Variants in SCAPER observed in about 807,000 individuals in gnomAD.
SCAPER encodes the protein S-phase cyclin A associated protein in the ER, also known as S phase cyclin A-associated protein in the endoplasmic reticulum.
In SCAPER, 98 loss-of-function variants were observed where a neutral mutation model predicts 182.2. That is an observed-to-expected ratio of 0.54 (90% confidence interval 0.46 to 0.64). The LOEUF (loss-of-function observed/expected upper bound fraction) is 0.64, where lower values mean the gene tolerates loss of function less well. Ranked by LOEUF, SCAPER falls within the 30% of genes least tolerant of loss-of-function variation. The pLI, the probability that SCAPER is intolerant of heterozygous loss-of-function variation, is 0.00. For synonymous variants in SCAPER, 605 were observed against 564.6 expected, an observed-to-expected ratio of 1.07 and a Z score of -1.01; for missense variants, 1,432 against 1,690.0, an observed-to-expected ratio of 0.85 and a Z score of 2.68.
At chr15:76,670,446 A>G (rs1014663444) in intron 20 of SCAPER, among the ~76,000 whole-genome samples, 1 of 152,126 alleles carries the variant, frequency 6.6e-6, no homozygotes, top group African/African-American at 2.4e-5. Flanking sequence ...CATGTGGATA[A>G]TTTTTAATTT....
chr15:76,416,598 G>A (rs1425262068), intron 26 of SCAPER, among the ~76,000 whole-genome samples: 1 of 152,108 alleles, frequency 6.6e-6, no homozygotes, highest in East Asian at 1.9e-4. Context: ...ATACTCATGG[G>A]TACTCTTTGT....
intron 22 of SCAPER, among the ~76,000 whole-genome samples, chr15:76,614,890 A>C (rs1247425073): frequency 1.3e-5 from 2 of 152,222 alleles, no homozygotes; most frequent in African/African-American, 4.8e-5. Context: ...CTATGAAAAG[A>C]TACTAATTGC....
chr15:76,411,033 C>T (rs1029314413), intron 26 of SCAPER, among the ~76,000 whole-genome samples: 1 of 152,080 alleles, frequency 6.6e-6, no homozygotes, highest in African/African-American at 2.4e-5. Flanking sequence ...CCATATAAAT[C>T]TACATAACCA....
At chr15:76,735,709 A>AG (rs2061220294) in intron 15 of SCAPER, among the ~76,000 whole-genome samples, 1 of 151,820 alleles carries the variant, frequency 6.6e-6, no homozygotes, top group Non-Finnish European at 1.5e-5. Context: ...AAAAAAAAAA[A>AG]AAAAGAAAGA....
At chr15:76,894,620 T>C (rs1313283370) in intron 1 of SCAPER, among the ~76,000 whole-genome samples, 2 of 152,000 alleles carry the variant, frequency 1.3e-5, no homozygotes, top group Non-Finnish European at 2.9e-5. Context: ...GAGTTGGTTT[T>C]TGAAAAAGAT....
intron 4 of SCAPER, among the ~76,000 whole-genome samples, chr15:76,842,319 C>T (rs1439421631): frequency 6.6e-6 from 1 of 152,034 alleles, no homozygotes; most frequent in East Asian, 1.9e-4. Flanking sequence ...CTCCATAATC[C>T]CCACGTGTAA....
At chr15:76,643,131 A>G (rs1187648797) in intron 21 of SCAPER, among the ~76,000 whole-genome samples, 1 of 152,134 alleles carries the variant, frequency 6.6e-6, no homozygotes, top group Non-Finnish European at 1.5e-5. Flanking sequence ...TACATGCTAC[A>G]TGCTCTAGGG....
chr15:76,784,258 CA>C (rs1568127467), intron 8 of SCAPER, among the ~76,000 whole-genome samples: 1 of 152,066 alleles, frequency 6.6e-6, no homozygotes, highest in South Asian at 2.1e-4. Flanking sequence ...AACAGAGAGC[CA>C]AATCATGAGT....
chr15:76,478,449 C>T (rs2050836178), intron 24 of SCAPER, among the ~76,000 whole-genome samples: 1 of 151,716 alleles, frequency 6.6e-6, no homozygotes, highest in Non-Finnish European at 1.5e-5. Flanking sequence ...TTTCTTTTTC[C>T]TGCTTTTCTT....
intron 8 of SCAPER, among the ~76,000 whole-genome samples, chr15:76,786,980 G>C (rs372552997): frequency 1.3e-5 from 2 of 152,130 alleles, no homozygotes; most frequent in East Asian, 3.8e-4. Flanking sequence ...AGAAACAGAA[G>C]AAGGCCTAAA....
intron 2 of SCAPER, among the ~76,000 whole-genome samples, chr15:76,863,569 C>T (rs1311055246): frequency 6.6e-6 from 1 of 152,142 alleles, no homozygotes; most frequent in Non-Finnish European, 1.5e-5. Context: ...TGCTTGTCCT[C>T]AAAGAGCTAA....
chr15:76,499,268 G>A (rs539900290), intron 24 of SCAPER, among the ~76,000 whole-genome samples: 1 of 152,304 alleles, frequency 6.6e-6, no homozygotes, highest in East Asian at 1.9e-4. Context: ...ATGATGGAGG[G>A]TAAGTTATTC....
At chr15:76,820,426 C>A (rs1053399660) in intron 5 of SCAPER, among the ~76,000 whole-genome samples, 2 of 152,102 alleles carry the variant, frequency 1.3e-5, no homozygotes, top group Non-Finnish European at 2.9e-5. Context: ...ATGATGAGTT[C>A]ATATCCTTTG....
At chr15:76,759,896 A>C (rs929787430) in intron 14 of SCAPER, among the ~76,000 whole-genome samples, 2 of 152,114 alleles carry the variant, frequency 1.3e-5, no homozygotes, top group Non-Finnish European at 2.9e-5. Flanking sequence ...ATCTATGTTC[A>C]TCTGGAATAC....
intron 23 of SCAPER, among the ~76,000 whole-genome samples, chr15:76,527,679 T>C (rs2144465240): frequency 6.6e-6 from 1 of 152,322 alleles, no homozygotes; most frequent in South Asian, 2.1e-4. Context: ...CCAATCCTAG[T>C]CACAACAGTC....
chr15:76,806,459 A>C (rs898108222), intron 5 of SCAPER, among the ~76,000 whole-genome samples: 1 of 152,178 alleles, frequency 6.6e-6, no homozygotes, highest in Non-Finnish European at 1.5e-5. Context: ...ACTAAGTTTT[A>C]AATTCAGGGG....
intron 17 of SCAPER, among the ~76,000 whole-genome samples, chr15:76,725,266 T>C (rs375103622): frequency 1.2e-4 from 19 of 152,006 alleles, no homozygotes; most frequent in Admixed American, 7.9e-4. Context: ...CTACAAAACA[T>C]TGTTGAAAGG....
At chr15:76,892,853 T>C (rs905866595) in intron 1 of SCAPER, among the ~76,000 whole-genome samples, 1 of 152,174 alleles carries the variant, frequency 6.6e-6, no homozygotes, top group Non-Finnish European at 1.5e-5. Context: ...ATCATGCTAC[T>C]ATAAAGACAC....
In SCAPER at chr15:76,465,911, C is replaced by T. The variant is rs1252816813; in HGVS notation, c.3078+5301G>A. 3.9e-5 allele frequency among the ~76,000 whole-genome samples: 6 copies of T among 152,210 alleles called. No individual in the cohort carries two copies. The East Asian group carries it at 1.2e-3, about 29-fold the overall frequency. ...ATATATCCCTCCACTCCCTTCTGGC[C>T]TACAGGGTTTCTGCTGAGAAATATG... On this transcript the variant is annotated intron_variant, in intron 25 of 31. Coordinates refer to ENST00000563290, the MANE Select transcript of SCAPER (RefSeq NM_020843.4).
Sources: allele counts gnomAD v4.1 joint callset (sites outside exome capture counted in the v4.1 genomes callset), GRCh38; gene constraint gnomAD v4.1.1; transcripts MANE v1.5; gene names NCBI Gene and HGNC (gene_info 2026-07-23, HGNC 2026-07-21).